PDE8B: variants seen among roughly 807,000 people sequenced by gnomAD.
The protein encoded by PDE8B is phosphodiesterase 8B.
PDE8B carries 26 observed loss-of-function variants against 101.3 expected under a neutral mutation model. The ratio of observed to expected loss-of-function variants is 0.26; its 90% CI spans 0.19 to 0.36. PDE8B has a LOEUF of 0.36. Ranked by LOEUF, PDE8B falls within the 10% of genes least tolerant of loss-of-function variation. The pLI is 1.00. For synonymous variants in PDE8B, 424 were observed against 429.3 expected (o/e 0.99, Z 0.15); for missense variants, 810 against 1,163.1 (o/e 0.70, Z 4.42).
At chr5:77,232,025 TGGA>T (rs1753683279) in intron 1 of PDE8B, among the ~76,000 whole-genome samples, 1 of 152,178 alleles carries the variant, frequency 6.6e-6, no homozygotes, top group African/African-American at 2.4e-5. Flanking sequence ...GGGCAGACAG[TGGA>T]TGTGGATGGG....
At chr5:77,227,714 G>T (rs1289614452) in intron 1 of PDE8B, among the ~76,000 whole-genome samples, 4 of 152,126 alleles carry the variant, frequency 2.6e-5, no homozygotes, top group Non-Finnish European at 4.4e-5. Context: ...TTTAGGAAGG[G>T]GAAGCAAGGT....
At chr5:77,218,502 A>G (rs1370630540) in intron 1 of PDE8B, among the ~76,000 whole-genome samples, 2 of 152,204 alleles carry the variant, frequency 1.3e-5, no homozygotes, top group African/African-American at 4.8e-5. Flanking sequence ...CTGTGGCCAC[A>G]CAGCCTGAAG....
intron 1 of PDE8B, among the ~76,000 whole-genome samples, chr5:77,256,112 TTGC>T (rs1759114264): frequency 1.3e-5 from 2 of 152,220 alleles, no homozygotes; most frequent in African/African-American, 4.8e-5. Context: ...TTCTTTTAAT[TTGC>T]TTTTATCAAA....
intron 1 of PDE8B, among the ~76,000 whole-genome samples, chr5:77,261,729 T>C (rs922459943): frequency 6.6e-6 from 1 of 152,196 alleles, no homozygotes; most frequent in Non-Finnish European, 1.5e-5. Context: ...GTAATGACCC[T>C]TCTAAGGCTG....
At chr5:77,392,309 G>A (rs1790110249) in intron 10 of PDE8B, among the ~76,000 whole-genome samples, 1 of 152,144 alleles carries the variant, frequency 6.6e-6, no homozygotes, top group South Asian at 2.1e-4. Flanking sequence ...GAAGCTGAGA[G>A]GCCAAAGAAA....
At chr5:77,215,727 T>C (rs1749537350) in intron 1 of PDE8B, among the ~76,000 whole-genome samples, 1 of 151,824 alleles carries the variant, frequency 6.6e-6, no homozygotes, top group Middle Eastern at 3.2e-3. Flanking sequence ...TGGTCATGGG[T>C]AAAGGCCAGT....
At chr5:77,364,102 C>T (rs1476661933) in intron 10 of PDE8B, among the ~76,000 whole-genome samples, 1 of 152,142 alleles carries the variant, frequency 6.6e-6, no homozygotes, top group Non-Finnish European at 1.5e-5. Context: ...TCCTGGGTCT[C>T]TTTTATGGAA....
intron 1 of PDE8B, among the ~76,000 whole-genome samples, chr5:77,300,293 G>A (rs1769622623): frequency 6.6e-6 from 1 of 152,224 alleles, no homozygotes; most frequent in African/African-American, 2.4e-5. Context: ...GATAGCCTGT[G>A]AGTTTGAACC....
chr5:77,287,908 G>A (rs1766386310), intron 1 of PDE8B, among the ~76,000 whole-genome samples: 1 of 152,066 alleles, frequency 6.6e-6, no homozygotes, highest in Non-Finnish European at 1.5e-5. Context: ...CTAGTATCTG[G>A]ATCTTCCACG....
At chr5:77,416,009 T>TG (rs1391945407) in intron 17 of PDE8B, among the ~76,000 whole-genome samples, 2 of 152,208 alleles carry the variant, frequency 1.3e-5, no homozygotes, top group Middle Eastern at 6.8e-3. Context: ...GTTGCGGGTT[T>TG]GGTGGGGTTT....
At chr5:77,420,029 A>C (rs1400992821) in intron 19 of PDE8B, 142 bp downstream of exon 19, 2 of 942,808 alleles carry the variant, frequency 2.1e-6, no homozygotes, top group African/African-American at 3.3e-5. Flanking sequence ...AGGACTGGCC[A>C]CTTGTTTTCC....
chr5:77,183,261 A>G, the PDE8B span, among the ~76,000 whole-genome samples: 3 of 152,050 alleles, frequency 2.0e-5, no homozygotes, highest in Non-Finnish European at 4.4e-5. Context: ...TTGGGGCTAC[A>G]GGTGCGCACC....
chr5:77,420,059 G>C (rs1017803170), intron 19 of PDE8B, among the ~76,000 whole-genome samples, 172 bp downstream of exon 19: 3 of 152,192 alleles, frequency 2.0e-5, no homozygotes, highest in Non-Finnish European at 4.4e-5. Context: ...AAAATAAACT[G>C]TGTCCACAGC....
At chr5:77,414,406 T>C (rs1363773607) in intron 17 of PDE8B, among the ~76,000 whole-genome samples, 1 of 152,186 alleles carries the variant, frequency 6.6e-6, no homozygotes, top group African/African-American at 2.4e-5. Flanking sequence ...TACAGGTTCA[T>C]GCTCCTCTTT....
At chr5:77,142,822 T>C in the PDE8B span, among the ~76,000 whole-genome samples, 1,166 of 152,168 alleles carry the variant, frequency 7.7e-3, 16 homozygotes, top group African/African-American at 0.027. Context: ...GATGAGAGTC[T>C]TTTGGATAAG....
chr5:77,180,472 C>T, the PDE8B span: 885 of 985,436 alleles, frequency 9.0e-4, 8 homozygotes, highest in African/African-American at 0.014. Flanking sequence ...GTACTGCCCA[C>T]CGAGCGCGTG....
At chr5:77,283,416 G>A (rs1385601501) in intron 1 of PDE8B, among the ~76,000 whole-genome samples, 1 of 152,086 alleles carries the variant, frequency 6.6e-6, no homozygotes, top group Non-Finnish European at 1.5e-5. Context: ...AGTTTGACAG[G>A]TATACACCAC....
chr5:77,230,048 C>T (rs150293135), intron 1 of PDE8B, among the ~76,000 whole-genome samples: 98 of 152,268 alleles, frequency 6.4e-4, no homozygotes, highest in African/African-American at 2.2e-3. Context: ...TTTCTCTTCC[C>T]GCCAGCATGT....
rs1167353625 is a variant in PDE8B, at chr5:77,343,529, G to C, written c.798-1324G>C. The stretch of plus-strand genomic sequence containing the variant: ...GAGTTAAAATGGTGCACTTGTATAA[G>C]GCACTTAGCATGAATGGAGCTTGCA... On this transcript the variant is annotated intron_variant, in intron 6 of 21. Coordinates refer to ENST00000264917, the MANE Select transcript of PDE8B (RefSeq NM_003719.5). Among the ~76,000 whole-genome samples, 3 of 152,198 alleles carry C rather than the reference G, an allele frequency of 2.0e-5. No homozygotes were observed. The South Asian group carries it at 6.2e-4, about 32-fold the overall frequency.
Sources: gnomAD v4.1 joint callset for allele counts (sites outside exome capture counted in the v4.1 genomes callset) on GRCh38, gnomAD v4.1.1 for gene constraint, MANE v1.5 for transcripts, NCBI Gene and HGNC (gene_info 2026-07-23, HGNC 2026-07-21) for gene names.